The following NTRK3 variants were observed in gnomAD, a reference collection of about 807,000 sequenced individuals.
The protein encoded by NTRK3 is NT-3 growth factor receptor.
In NTRK3, 24 loss-of-function variants were observed where a neutral mutation model predicts 91.7. The ratio of observed to expected loss-of-function variants is 0.26; its 90% CI spans 0.19 to 0.37. NTRK3 has a LOEUF of 0.37. NTRK3 is among the 10% of genes least tolerant of loss of function. The pLI, the probability that NTRK3 is intolerant of heterozygous loss-of-function variation, is 1.00. For synonymous variants in NTRK3, 483 were observed against 404.0 expected (o/e 1.20, Z -2.34); for missense variants, 880 against 1,068.9 (o/e 0.82, Z 2.46).
intron 14 of NTRK3, among the ~76,000 whole-genome samples, chr15:87,960,436 A>G (rs1305543973): frequency 6.6e-6 from 1 of 151,532 alleles, no homozygotes; most frequent in Non-Finnish European, 1.5e-5. Context: ...CTTCACTACT[A>G]TAAACCCCTC....
intron 14 of NTRK3, among the ~76,000 whole-genome samples, chr15:88,023,426 C>A (rs999699707): frequency 6.6e-6 from 1 of 152,148 alleles, no homozygotes; most frequent in Non-Finnish European, 1.5e-5. Context: ...CAGAGGGAGA[C>A]AATACTAATT....
intron 5 of NTRK3, among the ~76,000 whole-genome samples, chr15:88,148,649 G>T (rs1343695973): frequency 6.6e-6 from 1 of 152,188 alleles, no homozygotes; most frequent in Non-Finnish European, 1.5e-5. Context: ...CGCCACACTT[G>T]CTGGCCATGG....
chr15:88,044,229 G>A (rs1305610546), intron 13 of NTRK3, among the ~76,000 whole-genome samples: 1 of 149,860 alleles, frequency 6.7e-6, no homozygotes, highest in East Asian at 2.0e-4. Flanking sequence ...GTGTCCTGGA[G>A]CTGTGGGATT....
In NTRK3 at chr15:88,057,127, C is replaced by T. The variant is rs1248264884; in HGVS notation, c.1397-24082G>A. On this transcript the variant is annotated intron_variant, in intron 13 of 18. Coordinates refer to ENST00000394480, the Ensembl canonical transcript of NTRK3. ...GAGCTTGCAGTGAGTCGAGATCGCG[C>T]CACTGCACTCCAGCCTGGGCGACAG... 2.7e-5 allele frequency among the ~76,000 whole-genome samples: 4 copies of T among 148,238 alleles called. No homozygotes were observed. In the South Asian group the frequency reaches 6.6e-4, roughly 24 times the overall value.
At chr15:88,140,864 G>A (rs2151257909) in intron 6 of NTRK3, among the ~76,000 whole-genome samples, 1 of 152,244 alleles carries the variant, frequency 6.6e-6, no homozygotes, top group African/African-American at 2.4e-5. Context: ...AGTGGAGTGG[G>A]AAAAACTGGA....
At chr15:88,247,394 T>C (rs956298779) in intron 3 of NTRK3, among the ~76,000 whole-genome samples, 4 of 152,186 alleles carry the variant, frequency 2.6e-5, no homozygotes, top group South Asian at 2.1e-4. Flanking sequence ...TCACCTCTCT[T>C]GATTCCTAAG....
intron 14 of NTRK3, among the ~76,000 whole-genome samples, chr15:88,024,047 C>A (rs1051783477): frequency 6.6e-6 from 1 of 152,218 alleles, no homozygotes; most frequent in Non-Finnish European, 1.5e-5. Context: ...CTATATCACG[C>A]TGATGCACTG....
intron 14 of NTRK3, among the ~76,000 whole-genome samples, chr15:88,029,181 G>C (rs909013555): frequency 2.6e-5 from 4 of 152,222 alleles, no homozygotes; most frequent in Non-Finnish European, 5.9e-5. Flanking sequence ...TTTGGGTTCT[G>C]TATACATTGC....
At chr15:88,194,954 C>A (rs777478137) in intron 3 of NTRK3, among the ~76,000 whole-genome samples, 8 of 152,198 alleles carry the variant, frequency 5.3e-5, no homozygotes, top group Non-Finnish European at 7.3e-5. Flanking sequence ...TCCAGAGAAG[C>A]CTTCCCTGAC....
At chr15:88,034,697 C>G (rs779703253) in intron 13 of NTRK3, among the ~76,000 whole-genome samples, 1 of 152,168 alleles carries the variant, frequency 6.6e-6, no homozygotes, top group Non-Finnish European at 1.5e-5. Context: ...TGAGGCAGAA[C>G]TAAATGGGAG....
At chr15:88,108,501 T>A (rs1597360485) in intron 13 of NTRK3, among the ~76,000 whole-genome samples, 1 of 152,298 alleles carries the variant, frequency 6.6e-6, no homozygotes, top group Middle Eastern at 3.4e-3. Context: ...CCTCACTCCA[T>A]GCTCCCTGTG....
At chr15:88,254,340 C>G (rs1485102319) in intron 3 of NTRK3, among the ~76,000 whole-genome samples, 3 of 152,126 alleles carry the variant, frequency 2.0e-5, no homozygotes, top group Non-Finnish European at 4.4e-5. Flanking sequence ...GGGAGAGGCA[C>G]AGTTGGGTCT....
chr15:88,043,946 C>T (rs956248812), intron 13 of NTRK3, among the ~76,000 whole-genome samples: 1 of 152,166 alleles, frequency 6.6e-6, no homozygotes, highest in African/African-American at 2.4e-5. Context: ...AAACCCTTTT[C>T]CCAGTATTTC....
At chr15:88,164,718 A>G (rs1230781803) in intron 5 of NTRK3, among the ~76,000 whole-genome samples, 1 of 152,058 alleles carries the variant, frequency 6.6e-6, no homozygotes, top group Admixed American at 6.5e-5. Context: ...AGTGTCAGCT[A>G]AAAACATCTC....
intron 15 of NTRK3, among the ~76,000 whole-genome samples, chr15:87,935,766 C>T (rs78491537): frequency 0.015 from 2,245 of 152,288 alleles, 61 homozygotes; most frequent in African/African-American, 0.051. Flanking sequence ...TTTCTGTTCT[C>T]AGCTCTTGAG....
chr15:87,860,017 T>C (rs2064479155), exon 19 of NTRK3: 1 of 197,370 alleles, frequency 5.1e-6, no homozygotes, highest in Non-Finnish European at 1.1e-5. Context: ...TATATACATA[T>C]ATATGTATAA....
At chr15:88,136,494 A>G (rs370605951) in exon 8 of NTRK3, 10 of 1,614,066 alleles carry the variant, frequency 6.2e-6, no homozygotes, top group African/African-American at 2.7e-5. Flanking sequence ...ACTGCAGCCC[A>G]GTGACTATCC....
At chr15:88,029,899 G>A (rs1415331960) in intron 14 of NTRK3, among the ~76,000 whole-genome samples, 1 of 152,186 alleles carries the variant, frequency 6.6e-6, no homozygotes, top group Non-Finnish European at 1.5e-5. Context: ...CTGAGGACTG[G>A]CCTGGGTCCC....
At chr15:87,972,403 C>T (rs1251752616) in intron 14 of NTRK3, among the ~76,000 whole-genome samples, 2 of 152,186 alleles carry the variant, frequency 1.3e-5, no homozygotes, top group Admixed American at 6.5e-5. Flanking sequence ...CATACTGGAA[C>T]GATGCCTTTG....
Sources: allele counts gnomAD v4.1 joint callset (sites outside exome capture counted in the v4.1 genomes callset), GRCh38; gene constraint gnomAD v4.1.1; transcripts MANE v1.5; gene names NCBI Gene and HGNC (gene_info 2026-07-23, HGNC 2026-07-21).